The following SLC5A10 variants were observed in gnomAD, a reference collection of about 807,000 sequenced individuals.
SLC5A10 encodes solute carrier family 5 member 10, also known as sodium/mannose cotransporter SLC5A10.
SLC5A10 carries 55 observed loss-of-function variants against 68.9 expected under a neutral mutation model. That is an observed-to-expected ratio of 0.80 (90% CI 0.64 to 1.00). The LOEUF (loss-of-function observed/expected upper bound fraction) is 1.00, where lower values mean the gene tolerates loss of function less well. SLC5A10 is among the 50% of genes least tolerant of loss of function. The pLI is 0.00. For missense variants in SLC5A10, 732 were observed against 819.3 expected (o/e 0.89, Z 1.30); for synonymous variants, 344 against 344.8 (o/e 1.00, Z 0.02).
intron 9 of SLC5A10, among the ~76,000 whole-genome samples, chr17:19,008,721 G>C (rs1451810885): frequency 1.3e-5 from 2 of 151,902 alleles, no homozygotes; most frequent in African/African-American, 4.8e-5. Flanking sequence ...GGATGGTATC[G>C]ATCTCCTGAC....
intron 11 of SLC5A10, 159 bp from the exon 12 acceptor site, chr17:19,019,264 T>C (rs1298217278): frequency 7.2e-6 from 6 of 835,844 alleles, no homozygotes; most frequent in Non-Finnish European, 9.1e-6. Flanking sequence ...AGGGCAGGAC[T>C]GGCCAGGTCA....
intron 9 of SLC5A10, among the ~76,000 whole-genome samples, chr17:19,001,051 C>A (rs2043717249): frequency 6.6e-6 from 1 of 152,186 alleles, no homozygotes; most frequent in Non-Finnish European, 1.5e-5. Context: ...CACCCCTCTA[C>A]CCGAGAACTA....
chr17:18,951,998 T>G (rs920526530), upstream of SLC5A10: 3 of 687,472 alleles, frequency 4.4e-6, no homozygotes, highest in African/African-American at 3.7e-5. Context: ...CCCTGACTCC[T>G]GCGCTCTGGG....
intron 9 of SLC5A10, among the ~76,000 whole-genome samples, chr17:19,001,551 C>T (rs749395800): frequency 2.0e-5 from 3 of 152,252 alleles, no homozygotes; most frequent in Non-Finnish European, 2.9e-5. Flanking sequence ...TGGAGACCAG[C>T]TTCTTCCTGG....
intron 9 of SLC5A10, among the ~76,000 whole-genome samples, chr17:18,992,065 C>T (rs2043439898): frequency 6.6e-6 from 1 of 152,150 alleles, no homozygotes; most frequent in African/African-American, 2.4e-5. Flanking sequence ...TGCCCCAGCC[C>T]AGGCCTCTCC....
chr17:18,971,867 T>A lies in SLC5A10; in HGVS notation c.846+649T>A. The A allele has an allele frequency of 9.0e-7, 1 of 1,111,130 alleles. No homozygotes were observed. The highest frequency in any genetic ancestry group is 1.6e-5 in the South Asian group (1 of 60,852). 68.8% of individuals were successfully genotyped at this position (1,111,130 alleles called of 1,614,324 possible). ...CCGGGTTCGCCTCCTGGCTCTGCCA[T>A]TCACCAGGGAGTGGGCCTAGACCAG... On this transcript the variant is annotated intron_variant, in intron 8 of 14. Transcript: ENST00000395645. The surrounding 1 kb of genome is among the most constrained non-coding windows in gnomAD (Gnocchi z 5.5).
intron 9 of SLC5A10, among the ~76,000 whole-genome samples, chr17:18,987,150 G>A (rs1289798218): frequency 1.3e-5 from 2 of 152,332 alleles, no homozygotes; most frequent in East Asian, 3.9e-4. Flanking sequence ...CAGACTGGCG[G>A]TGCCCCTTCT....
chr17:18,950,938 A>G (rs552727364), upstream of SLC5A10: 1 of 153,460 alleles, frequency 6.5e-6, no homozygotes, highest in African/African-American at 2.4e-5. Flanking sequence ...CTGGTCTCAA[A>G]CTCCTGATCT....
At position 18,971,731 on chromosome 17, in the gene SLC5A10, A is replaced by G; in HGVS notation, c.846+513A>G. 2.5e-6 allele frequency: 4 copies of G among 1,573,434 alleles called. No individual in the cohort carries two copies. The highest frequency in any genetic ancestry group is 3.5e-6 in the Non-Finnish European group (4 of 1,157,904). ...TAGTCCCTGAGGCAGGGACCCTGTGATGATGAAACTGCTGGCCCTGGGAGA... is the reference window on the plus strand; with the variant it reads ...TAGTCCCTGAGGCAGGGACCCTGTGGTGATGAAACTGCTGGCCCTGGGAGA... On this transcript the variant is annotated intron_variant, in intron 8 of 14. Transcript: ENST00000395645. The surrounding 1 kb of genome is among the most constrained non-coding windows in gnomAD (Gnocchi z 5.5).
At chr17:18,981,531 G>A (rs1178663164) in intron 9 of SLC5A10, among the ~76,000 whole-genome samples, 1 of 152,108 alleles carries the variant, frequency 6.6e-6, no homozygotes, top group African/African-American at 2.4e-5. Flanking sequence ...GGGAGAGGAG[G>A]GGAGCCTGAG....
intron 9 of SLC5A10, among the ~76,000 whole-genome samples, chr17:19,006,339 G>A (rs935783511): frequency 1.3e-5 from 2 of 151,860 alleles, no homozygotes; most frequent in Non-Finnish European, 2.9e-5. Flanking sequence ...TCAAGCCTCA[G>A]CCTCCTGAGT....
At position 18,977,739 on chromosome 17, in the gene SLC5A10, G is replaced by A. The variant is rs1435933837; in HGVS notation, c.982+750G>A. 5.6e-6 allele frequency: 9 copies of A among 1,606,760 alleles called. No homozygotes were observed. The East Asian group carries it at 1.8e-4, about 32-fold the overall frequency. On this transcript the variant is annotated intron_variant, in intron 9 of 14. Coordinates refer to ENST00000395645, the MANE Select transcript of SLC5A10 (RefSeq NM_001042450.4). ...GCACTCAGCTGCCGGCGCGGTGGTG[G>A]GGTTGGCCCGTTGGCCACTTGCTCT...
In SLC5A10 at chr17:18,962,823, G is replaced by A. The variant is rs147950697; in HGVS notation, c.453+2171G>A. Among the ~76,000 whole-genome samples, 45 of 152,238 alleles carry A rather than the reference G, an allele frequency of 3.0e-4. No homozygotes were observed. The East Asian group carries it at 7.7e-3, about 26-fold the overall frequency. ...GAGGGAGACTGAGCCATGGGCACAG[G>A]GTTCTCTGCCCCCTGTTTCACCCTG... On this transcript the variant is annotated intron_variant, in intron 5 of 14. Transcript: ENST00000395645.
intron 1 of SLC5A10, among the ~76,000 whole-genome samples, chr17:18,956,018 A>G (rs1415753909): frequency 2.6e-5 from 4 of 152,120 alleles, no homozygotes; most frequent in Non-Finnish European, 1.5e-5. Context: ...AACATGGAGG[A>G]ACCCCATCTC....
chr17:18,972,953 C>A (rs1364862555), intron 8 of SLC5A10, among the ~76,000 whole-genome samples: 1 of 152,166 alleles, frequency 6.6e-6, no homozygotes, highest in Admixed American at 6.5e-5. Context: ...ATCTGTAACA[C>A]GTGGTCCTCA....
chr17:18,958,620 C>A, intron 1 of SLC5A10, 62 bp from the exon 2 acceptor site: 1 of 1,504,356 alleles, frequency 6.6e-7, no homozygotes, highest in Non-Finnish European at 9.2e-7. Flanking sequence ...AGCCGTTTCC[C>A]ATTCGACTTC....
chr17:18,960,041 C>A (rs982171019), intron 4 of SLC5A10, among the ~76,000 whole-genome samples: 3 of 152,132 alleles, frequency 2.0e-5, no homozygotes, highest in African/African-American at 7.2e-5. Context: ...CCCTGGGCTG[C>A]GTACCTGAAT....
chr17:18,982,351 G>A (rs897600282), intron 9 of SLC5A10, among the ~76,000 whole-genome samples: 4 of 152,216 alleles, frequency 2.6e-5, no homozygotes, highest in Admixed American at 6.5e-5. Flanking sequence ...CCACCCCACG[G>A]GGCCTGGCCT....
chr17:18,980,658 C>T (rs2043107934), intron 9 of SLC5A10, among the ~76,000 whole-genome samples: 2 of 152,170 alleles, frequency 1.3e-5, no homozygotes, highest in Admixed American at 1.3e-4. Flanking sequence ...GTGCTGGGCA[C>T]GGCAGACCCC....
Sources: gnomAD v4.1 joint callset for allele counts (sites outside exome capture counted in the v4.1 genomes callset) on GRCh38, gnomAD v4.1.1 for gene constraint, Gnocchi (gnomAD v3.1) non-coding constraint, MANE v1.5 for transcripts, NCBI Gene and HGNC (gene_info 2026-07-23, HGNC 2026-07-21) for gene names.